The following CNTN5 variants were observed in gnomAD, a reference collection of about 807,000 sequenced individuals.
CNTN5 encodes contactin 5.
A neutral mutation model predicts 129.1 loss-of-function variants in CNTN5; 77 were observed. The observed-to-expected ratio is 0.60, with a 90% CI of 0.50 to 0.72. CNTN5 has a LOEUF of 0.72. Among genes scored for constraint, CNTN5 ranks in the 30% least tolerant of loss-of-function variants. CNTN5 has a pLI of 0.00. For synonymous variants in CNTN5, 509 were observed against 465.6 expected (o/e 1.09, Z -1.20); for missense variants, 1,478 against 1,328.8 (o/e 1.11, Z -1.75).
intron 2 of CNTN5, among the ~76,000 whole-genome samples, chr11:99,522,859 C>T (rs1378416794): frequency 1.3e-5 from 2 of 152,044 alleles, no homozygotes; most frequent in Admixed American, 6.6e-5. Context: ...AATGCCGTGC[C>T]TTCTCGCCCT....
At chr11:100,311,092 G>C (rs1177416618) in intron 21 of CNTN5, among the ~76,000 whole-genome samples, 1 of 150,582 alleles carries the variant, frequency 6.6e-6, no homozygotes, top group Non-Finnish European at 1.5e-5. Context: ...ACCCTGGGGA[G>C]GGCCTCAGAC....
intron 3 of CNTN5, among the ~76,000 whole-genome samples, chr11:99,641,781 C>T (rs1690810): frequency 0.6 from 91,165 of 151,722 alleles, 28,203 homozygotes; most frequent in Admixed American, 0.69. Flanking sequence ...GCTTAGCTTC[C>T]CTCCCTTTGC....
chr11:100,311,788 TGA>T (rs1951479155), intron 21 of CNTN5, among the ~76,000 whole-genome samples: 1 of 151,970 alleles, frequency 6.6e-6, no homozygotes, highest in Admixed American at 6.6e-5. Flanking sequence ...GTAACCTTGA[TGA>T]GAGAGATTTT....
intron 3 of CNTN5, among the ~76,000 whole-genome samples, chr11:99,556,593 A>C (rs192492818): frequency 0.014 from 1,888 of 135,328 alleles, 65 homozygotes; most frequent in African/African-American, 0.048. Context: ...ATATATATAT[A>C]TCTCCCACAC....
At chr11:99,304,747 C>T (rs888057365) in intron 1 of CNTN5, among the ~76,000 whole-genome samples, 1 of 152,096 alleles carries the variant, frequency 6.6e-6, no homozygotes, top group South Asian at 2.1e-4. Context: ...AATTGTTTGC[C>T]GCAATTCTTA....
rs934323219 is a variant in CNTN5 at position 100,074,436 on chromosome 11, A to G, written c.1580+142A>G. On this transcript the variant is annotated intron_variant, in intron 13 of 24. Coordinates refer to ENST00000524871, the MANE Select transcript of CNTN5 (RefSeq NM_014361.4). ...GATTGAAACATGGTTTTGCCTATAT[A>G]GTGATTTTAAAAGAACCCAAAGTTT... 6.9e-6 allele frequency: 5 copies of G among 729,822 alleles called. No individual in the cohort carries two copies. In the African/African-American group the frequency reaches 9.2e-5, roughly 13 times the overall value. 45.2% of individuals were successfully genotyped at this position (729,822 alleles called of 1,614,324 possible). A position where few individuals can be genotyped will look rare whatever the true frequency, so the allele number is the denominator to read the frequency against.
intron 1 of CNTN5, among the ~76,000 whole-genome samples, chr11:99,169,159 G>C (rs1168198976): frequency 4.6e-5 from 7 of 152,158 alleles, no homozygotes; most frequent in Non-Finnish European, 1.0e-4. Flanking sequence ...CTAGAACACA[G>C]ATACATGTAC....
At chr11:99,481,241 T>A (rs1945588879) in intron 2 of CNTN5, among the ~76,000 whole-genome samples, 1 of 152,192 alleles carries the variant, frequency 6.6e-6, no homozygotes, top group African/African-American at 2.4e-5. Context: ...TACTTTTCTT[T>A]ATCTCAGGAT....
intron 3 of CNTN5, among the ~76,000 whole-genome samples, chr11:99,655,476 T>C (rs528157685): frequency 7.9e-5 from 12 of 152,260 alleles, no homozygotes; most frequent in African/African-American, 2.9e-4. Context: ...GAAAAATCTC[T>C]TGCATGCTTC....
At chr11:99,822,973 C>T (rs562302334) in intron 4 of CNTN5, among the ~76,000 whole-genome samples, 16 of 152,234 alleles carry the variant, frequency 1.1e-4, no homozygotes, top group Non-Finnish European at 2.2e-4. Context: ...TTGACAGGCC[C>T]ACTGGGAGTG....
chr11:100,343,843 G>T lies in CNTN5; in HGVS notation c.3030+2638G>T, dbSNP rs552674497. 2.0e-5 allele frequency among the ~76,000 whole-genome samples: 3 copies of T among 152,100 alleles called. No homozygotes were observed. In the South Asian group the frequency reaches 6.2e-4, roughly 32 times the overall value. Reference sequence around the variant, plus strand: ...CAAAAATTACTGCCAACCAAGAGTGGCACCACTATAATAGCGGGCCACCTC... The same window carrying T: ...CAAAAATTACTGCCAACCAAGAGTGTCACCACTATAATAGCGGGCCACCTC... On this transcript the variant is annotated intron_variant, in intron 23 of 24. Coordinates refer to ENST00000524871, the MANE Select transcript of CNTN5 (RefSeq NM_014361.4).
At chr11:100,148,778 T>C (rs868673011) in intron 13 of CNTN5, among the ~76,000 whole-genome samples, 1 of 152,028 alleles carries the variant, frequency 6.6e-6, no homozygotes, top group African/African-American at 2.4e-5. Flanking sequence ...ATATAGGGAG[T>C]AGTCTATGCT....
intron 1 of CNTN5, among the ~76,000 whole-genome samples, chr11:99,170,312 T>C (rs1591307474): frequency 6.6e-6 from 1 of 152,072 alleles, no homozygotes; most frequent in African/African-American, 2.4e-5. Context: ...GACGCACAGG[T>C]TAATATACAC....
chr11:99,083,253 C>T (rs1865880077), intron 1 of CNTN5, among the ~76,000 whole-genome samples: 1 of 151,952 alleles, frequency 6.6e-6, no homozygotes, highest in Admixed American at 6.6e-5. Context: ...CTCAGTTTCC[C>T]TCTTCTTTCC....
intron 13 of CNTN5, among the ~76,000 whole-genome samples, chr11:100,145,540 G>T (rs77649162): frequency 6.6e-6 from 1 of 152,050 alleles, no homozygotes; most frequent in Non-Finnish European, 1.5e-5. Flanking sequence ...GAGCCTCTGG[G>T]GAATCATCAC....
chr11:99,836,703 T>C (rs964264666), intron 4 of CNTN5, among the ~76,000 whole-genome samples: 20 of 152,278 alleles, frequency 1.3e-4, no homozygotes, highest in African/African-American at 3.6e-4. Flanking sequence ...TTCTAGATCC[T>C]TGAGGAATCG....
intron 3 of CNTN5, among the ~76,000 whole-genome samples, chr11:99,568,215 C>T (rs569486847): frequency 2.2e-4 from 33 of 152,256 alleles, no homozygotes; most frequent in Non-Finnish European, 4.1e-4. Flanking sequence ...CTTCTTTAAA[C>T]TGGACTAACC....
intron 17 of CNTN5, among the ~76,000 whole-genome samples, chr11:100,270,793 C>G (rs1446979000): frequency 6.6e-6 from 1 of 152,154 alleles, no homozygotes; most frequent in East Asian, 1.9e-4. Flanking sequence ...TAATTGGCCC[C>G]TTATCTGGGG....
chr11:99,791,986 C>G (rs1945760362), intron 3 of CNTN5, among the ~76,000 whole-genome samples: 1 of 152,052 alleles, frequency 6.6e-6, no homozygotes, highest in African/African-American at 2.4e-5. Flanking sequence ...CATTGTTTGT[C>G]AAAGGCTTTT....
Sources: gnomAD v4.1 joint callset for allele counts (sites outside exome capture counted in the v4.1 genomes callset) on GRCh38, gnomAD v4.1.1 for gene constraint, MANE v1.5 for transcripts, NCBI Gene and HGNC (gene_info 2026-07-23, HGNC 2026-07-21) for gene names.